The following TMTC2 variants were observed in gnomAD, a reference collection of about 807,000 sequenced individuals.
TMTC2 encodes the protein protein O-mannosyl-transferase TMTC2.
In TMTC2, 43 loss-of-function variants were observed where a neutral mutation model predicts 82.4. The ratio of observed to expected loss-of-function variants is 0.52; its 90% CI spans 0.41 to 0.67. The LOEUF is 0.67. Among genes scored for constraint, TMTC2 ranks in the 30% least tolerant of loss-of-function variants. TMTC2 has a pLI of 0.00. For synonymous variants in TMTC2, 408 were observed against 381.9 expected (o/e 1.07, Z -0.80); for missense variants, 919 against 1,012.4 (o/e 0.91, Z 1.25).
chr12:82,899,242 G>A (rs1314304365), intron 3 of TMTC2, among the ~76,000 whole-genome samples: 1 of 151,974 alleles, frequency 6.6e-6, no homozygotes, highest in Non-Finnish European at 1.5e-5. Flanking sequence ...CCCCACTCAT[G>A]GCCCAGTCAA....
At chr12:82,730,458 A>G (rs1874734581) in intron 1 of TMTC2, among the ~76,000 whole-genome samples, 1 of 152,212 alleles carries the variant, frequency 6.6e-6, no homozygotes, top group Non-Finnish European at 1.5e-5. Flanking sequence ...GCTAGTTATC[A>G]GTATGTGCCC....
rs949433042 is a variant in TMTC2, at chr12:82,999,011, A to C, written c.2070+12965A>C. Among the ~76,000 whole-genome samples the C allele has an allele frequency of 6.6e-5, 10 of 152,230 alleles. 1 individual carries two copies. The highest frequency in any genetic ancestry group is 2.4e-4 in the African/African-American group (10 of 41,464). ...TTAATATAATACATTAGTATGATAC[A>C]GTTGTCACAATTAATGTGCCAACAT... On this transcript the variant is annotated intron_variant, in intron 8 of 11. Coordinates refer to ENST00000321196, the MANE Select transcript of TMTC2 (RefSeq NM_152588.3).
chr12:82,994,342 G>T (rs763562886), intron 8 of TMTC2, among the ~76,000 whole-genome samples: 2 of 151,992 alleles, frequency 1.3e-5, no homozygotes, highest in African/African-American at 4.8e-5. Flanking sequence ...CTGTGGTTCC[G>T]CCATGTTGGC....
At chr12:82,696,008 G>T (rs373754825) in intron 1 of TMTC2, among the ~76,000 whole-genome samples, 1 of 152,146 alleles carries the variant, frequency 6.6e-6, no homozygotes, top group African/African-American at 2.4e-5. Flanking sequence ...GGGTTCAAAT[G>T]TTTTTTCAAG....
At chr12:82,846,409 C>G (rs1870684980) in intron 1 of TMTC2, among the ~76,000 whole-genome samples, 2 of 151,868 alleles carry the variant, frequency 1.3e-5, no homozygotes, top group South Asian at 4.2e-4. Context: ...AACTTCTTGA[C>G]TTGAGATGAG....
chr12:82,806,690 C>T (rs1013201065), intron 1 of TMTC2, among the ~76,000 whole-genome samples: 10 of 151,632 alleles, frequency 6.6e-5, no homozygotes, highest in East Asian at 3.9e-4. Context: ...AAAATATTAA[C>T]GGAAATATCT....
intron 7 of TMTC2, among the ~76,000 whole-genome samples, chr12:82,969,525 T>A (rs1592664939): frequency 6.6e-6 from 1 of 152,318 alleles, no homozygotes; most frequent in East Asian, 1.9e-4. Context: ...CAGTTGCTTT[T>A]GTTAAAAAAC....
chr12:83,127,470 G>A (rs530853451), intron 11 of TMTC2, among the ~76,000 whole-genome samples: 25 of 152,022 alleles, frequency 1.6e-4, no homozygotes, highest in African/African-American at 5.5e-4. Context: ...TACTGCAGGG[G>A]TATCCAACTC....
intron 8 of TMTC2, among the ~76,000 whole-genome samples, chr12:83,003,241 A>G (rs1475732179): frequency 4.6e-5 from 7 of 151,932 alleles, no homozygotes; most frequent in African/African-American, 7.3e-5. Context: ...TAATGACCTC[A>G]TCTCTTTTTT....
chr12:82,830,314 C>T (rs75464784), intron 1 of TMTC2, among the ~76,000 whole-genome samples: 2,694 of 151,952 alleles, frequency 0.018, 75 homozygotes, highest in African/African-American at 0.061. Context: ...AATTGATCCT[C>T]GAACAAATCC....
chr12:82,937,038 A>G (rs1035127529), intron 4 of TMTC2, among the ~76,000 whole-genome samples: 1 of 152,192 alleles, frequency 6.6e-6, no homozygotes, highest in Non-Finnish European at 1.5e-5. Context: ...GGCTTATTAT[A>G]AAGAGCTTTC....
chr12:82,989,919 C>T (rs921227349), intron 8 of TMTC2, among the ~76,000 whole-genome samples: 1 of 152,082 alleles, frequency 6.6e-6, no homozygotes, highest in Non-Finnish European at 1.5e-5. Context: ...ATGGCTTAAA[C>T]TCACAGTGCC....
At chr12:83,062,477 T>G (rs750047657) in intron 11 of TMTC2, among the ~76,000 whole-genome samples, 20 of 151,846 alleles carry the variant, frequency 1.3e-4, no homozygotes, top group African/African-American at 1.9e-4. Flanking sequence ...ACATTGCTTT[T>G]ATTTTCATAT....
chr12:83,095,444 G>C (rs2137525906), intron 11 of TMTC2, among the ~76,000 whole-genome samples: 1 of 152,084 alleles, frequency 6.6e-6, no homozygotes, highest in African/African-American at 2.4e-5. Context: ...GTTTCACTGT[G>C]TTAGCCAGGA....
chr12:82,856,860 G>A lies in TMTC2; in HGVS notation c.84-150G>A, dbSNP rs1054591229. 2.1e-5 allele frequency: 15 copies of A among 728,280 alleles called. No individual in the cohort carries two copies. In the East Asian group the frequency reaches 3.9e-4, roughly 19 times the overall value. The allele number at this position is 728,280 out of a possible 1,614,324, so 45.1% of individuals were successfully genotyped here. On this transcript the variant is annotated intron_variant, in intron 1 of 11. Transcript: ENST00000321196. ...GTGGTTTTAGTAAGCATTAAGGGGAGGACATGAATTCAGCTTATATGTGCC... is the reference window on the plus strand; with the variant it reads ...GTGGTTTTAGTAAGCATTAAGGGGAAGACATGAATTCAGCTTATATGTGCC...
rs1471833429 is a variant in TMTC2 at position 82,831,238 on chromosome 12, G to A, written c.84-25772G>A. Reference sequence around the variant, plus strand: ...GAGAAAGGTGGCCTTCTGCCTTCTGGTTTGACCACCTAACCATGATACCAT... The same window carrying A: ...GAGAAAGGTGGCCTTCTGCCTTCTGATTTGACCACCTAACCATGATACCAT... On this transcript the variant is annotated intron_variant, in intron 1 of 11. Coordinates refer to ENST00000321196, the MANE Select transcript of TMTC2 (RefSeq NM_152588.3). Among the ~76,000 whole-genome samples the A allele has an allele frequency of 2.0e-5, 3 of 152,134 alleles. No individual in the cohort carries two copies. In the East Asian group the frequency reaches 5.8e-4, roughly 29 times the overall value.
intron 8 of TMTC2, among the ~76,000 whole-genome samples, chr12:83,002,616 C>T (rs10862541): frequency 0.8 from 121,631 of 152,012 alleles, 49,337 homozygotes; most frequent in South Asian, 0.93. Context: ...TCTGTTGTCA[C>T]TTATTTCAAT....
In TMTC2 at chr12:82,966,937, A is replaced by G; in HGVS notation, c.1888A>G (p.Lys630Glu). Reference protein sequence around the residue: ...GHYEEALSVYKEAIQKMPRQF... With the variant: ...GHYEEALSVYEEAIQKMPRQF... ...AAATTAGGAAGCCCTTAGTGTATAC[A>G]AGGAAGCAATTCAGAAAATGCCAAG... The change falls in exon 7 of 12, where the codon AAG becomes GAG. Residue 630 changes from lysine to glutamate, a missense_variant. By Grantham distance (56) the Lys-to-Glu change is moderately conservative. Coordinates refer to ENST00000321196, the MANE Select transcript of TMTC2 (RefSeq NM_152588.3). The G allele has an allele frequency of 6.2e-7, 1 of 1,613,124 alleles. No homozygotes were observed. The highest frequency in any genetic ancestry group is 8.5e-7 in the Non-Finnish European group (1 of 1,179,264).
intron 11 of TMTC2, among the ~76,000 whole-genome samples, chr12:83,085,444 G>A (rs557705749): frequency 3.0e-4 from 45 of 152,046 alleles, no homozygotes; most frequent in Non-Finnish European, 5.3e-4. Flanking sequence ...TTTTTCTTTC[G>A]GATTTCATTT....
Sources: gnomAD v4.1 joint callset for allele counts (sites outside exome capture counted in the v4.1 genomes callset) on GRCh38, gnomAD v4.1.1 for gene constraint, MANE v1.5 for transcripts, NCBI Gene and HGNC (gene_info 2026-07-23, HGNC 2026-07-21) for gene names.